Variants in AGAP1 observed in about 807,000 individuals in gnomAD.
AGAP1 encodes ArfGAP with GTPase domain, ankyrin repeat and PH domain 1.
In AGAP1, 29 loss-of-function variants were observed where a neutral mutation model predicts 105.3. The ratio of observed to expected loss-of-function variants is 0.28; its 90% CI spans 0.21 to 0.38. The LOEUF is 0.38. Among genes scored for constraint, AGAP1 ranks in the 10% least tolerant of loss-of-function variants. The pLI, the probability that AGAP1 is intolerant of heterozygous loss-of-function variation, is 1.00. For missense variants in AGAP1, 998 were observed against 1,165.1 expected (o/e 0.86, Z 2.09); for synonymous variants, 509 against 485.9 (o/e 1.05, Z -0.63).
At position 235,981,757 on chromosome 2, in the gene AGAP1, TTAAG is replaced by T. The variant is rs1225467258; in HGVS notation, c.1645+13138_1645+13141del. On this transcript the variant is annotated intron_variant, in intron 13 of 17. Transcript: ENST00000304032. The surrounding 1 kb of genome is among the most constrained non-coding windows in gnomAD (Gnocchi z 5.5). ...CTGAGGAAACCGAGGGTCATAAAGT[TTAAG>T]TAACTTGCTCAAGGCCATAGACGTA... 1.3e-5 allele frequency among the ~76,000 whole-genome samples: 2 copies of T among 152,110 alleles called. No individual in the cohort carries two copies. Among genetic ancestry groups the T allele is most frequent in the Non-Finnish European group, 2.9e-5 (2 of 68,032 alleles).
chr2:236,017,713 G>A (rs1438675268), intron 13 of AGAP1, among the ~76,000 whole-genome samples: 1 of 152,180 alleles, frequency 6.6e-6, no homozygotes, highest in Non-Finnish European at 1.5e-5. Flanking sequence ...ACAGAGCCAA[G>A]GTTTGAGTCT....
intron 1 of AGAP1, among the ~76,000 whole-genome samples, chr2:235,686,816 G>C (rs1487378751): frequency 6.7e-6 from 1 of 149,848 alleles, no homozygotes; most frequent in Non-Finnish European, 1.5e-5. Context: ...ATCATGCCCA[G>C]CTAATTAAAA....
chr2:235,983,901 A>G lies in AGAP1; in HGVS notation c.1645+15278A>G, dbSNP rs752215862. Reference sequence around the variant, plus strand: ...CTTAACGATGGGGATACATGGCTGTATGTAACATAAAATTTGCCATTTTAA... The same window carrying G: ...CTTAACGATGGGGATACATGGCTGTGTGTAACATAAAATTTGCCATTTTAA... On this transcript the variant is annotated intron_variant, in intron 13 of 17. Coordinates refer to ENST00000304032, the MANE Select transcript of AGAP1 (RefSeq NM_001037131.3). The surrounding 1 kb of genome is among the most constrained non-coding windows in gnomAD (Gnocchi z 4.5). Among the ~76,000 whole-genome samples the G allele has an allele frequency of 9.9e-5, 15 of 152,244 alleles. No homozygotes were observed. The highest frequency in any genetic ancestry group is 1.3e-4 in the Admixed American group (2 of 15,288).
intron 1 of AGAP1, among the ~76,000 whole-genome samples, chr2:235,498,517 G>A (rs866905726): frequency 3.9e-4 from 60 of 152,358 alleles, no homozygotes; most frequent in African/African-American, 1.1e-3. Flanking sequence ...GCGTGTGTTA[G>A]TTTCCCCTCT....
chr2:235,534,446 A>G (rs1000004104), intron 1 of AGAP1, among the ~76,000 whole-genome samples: 1 of 152,192 alleles, frequency 6.6e-6, no homozygotes, highest in African/African-American at 2.4e-5. Flanking sequence ...TGGCACCTGC[A>G]TGCAGTGCCC....
At chr2:235,759,294 A>C (rs2317000) in intron 6 of AGAP1, among the ~76,000 whole-genome samples, 3,133 of 149,740 alleles carry the variant, frequency 0.021, 114 homozygotes, top group African/African-American at 0.073. Context: ...TCAGCCTCCC[A>C]AGTAGCTGGG....
At chr2:236,117,085 A>G (rs1331352689) in intron 16 of AGAP1, among the ~76,000 whole-genome samples, 2 of 152,152 alleles carry the variant, frequency 1.3e-5, no homozygotes, top group African/African-American at 2.4e-5. Context: ...ATCTTTTTCA[A>G]ATAATGACTT....
chr2:235,968,445 T>C lies in AGAP1; in HGVS notation c.1484-17T>C, dbSNP rs1413449759. On this transcript the variant is annotated splice_polypyrimidine_tract_variant and intron_variant, in intron 12 of 17. Coordinates refer to ENST00000304032, the MANE Select transcript of AGAP1 (RefSeq NM_001037131.3). ...GCATTTTTTTTTTTTTTTTTGCCTT[T>C]TCCGGTCCAATGGCAGACACAGGGC... is the stretch of plus-strand genomic sequence containing the variant. The C allele has an allele frequency of 6.4e-7, 1 of 1,562,084 alleles. No individual in the cohort carries two copies. The highest frequency in any genetic ancestry group is 8.6e-7 in the Non-Finnish European group (1 of 1,162,356).
intron 3 of AGAP1, among the ~76,000 whole-genome samples, chr2:235,718,217 A>G (rs1336572223): frequency 2.0e-5 from 3 of 152,156 alleles, no homozygotes; most frequent in Non-Finnish European, 4.4e-5. Context: ...AAATTATGAT[A>G]ATGGTAGGAA....
At chr2:235,605,285 T>C (rs1286936693) in intron 1 of AGAP1, among the ~76,000 whole-genome samples, 1 of 152,234 alleles carries the variant, frequency 6.6e-6, no homozygotes, top group East Asian at 1.9e-4. Flanking sequence ...TGTTTTGCAT[T>C]TCACGCCCCT....
At chr2:235,850,704 T>A (rs775651124) in intron 9 of AGAP1, among the ~76,000 whole-genome samples, 1 of 152,252 alleles carries the variant, frequency 6.6e-6, no homozygotes, top group East Asian at 1.9e-4. Flanking sequence ...AGTTTTCCTG[T>A]TTCTAGTCAC....
intron 1 of AGAP1, among the ~76,000 whole-genome samples, chr2:235,694,024 C>T (rs1373686520): frequency 6.6e-6 from 1 of 152,124 alleles, no homozygotes; most frequent in Non-Finnish European, 1.5e-5. Flanking sequence ...ATCTTGAAGT[C>T]TAGTGATTCA....
At chr2:235,825,343 C>T (rs766440634) in intron 9 of AGAP1, among the ~76,000 whole-genome samples, 3 of 152,222 alleles carry the variant, frequency 2.0e-5, no homozygotes, top group Non-Finnish European at 2.9e-5. Flanking sequence ...ACCATGGTGG[C>T]TGTGGCTTCA....
intron 1 of AGAP1, among the ~76,000 whole-genome samples, chr2:235,677,766 C>T (rs1948824057): frequency 6.6e-6 from 1 of 151,864 alleles, no homozygotes; most frequent in South Asian, 2.1e-4. Context: ...GTGAACAATG[C>T]CGCCAGCCTT....
intron 11 of AGAP1, among the ~76,000 whole-genome samples, chr2:235,920,710 A>G (rs2052143499): frequency 6.6e-6 from 1 of 152,242 alleles, no homozygotes; most frequent in African/African-American, 2.4e-5. Context: ...ATGAAGAGAC[A>G]CCATTACAAG....
chr2:235,800,591 C>T (rs1957452045), intron 8 of AGAP1, among the ~76,000 whole-genome samples: 1 of 152,184 alleles, frequency 6.6e-6, no homozygotes, highest in Non-Finnish European at 1.5e-5. Flanking sequence ...AGCATTTGGA[C>T]TTGAGAAGAA....
In AGAP1 at chr2:235,824,210, C is replaced by T. The variant is rs371586362; in HGVS notation, c.1050+16879C>T. On this transcript the variant is annotated intron_variant, in intron 9 of 17. Transcript: ENST00000304032. The surrounding 1 kb of genome is among the most constrained non-coding windows in gnomAD (Gnocchi z 5.2). ...TTCGATTGGTGGCACCCGTGTTCCA[C>T]GGTACAGCTAGGCCTTCTGTGAGAT... 4.6e-5 allele frequency among the ~76,000 whole-genome samples: 7 copies of T among 152,362 alleles called. No homozygotes were observed. The South Asian group carries it at 6.2e-4, about 14-fold the overall frequency.
chr2:235,848,422 C>G lies in AGAP1; in HGVS notation c.1051-34923C>G, dbSNP rs370573718. The stretch of plus-strand genomic sequence containing the variant: ...AGAGGCAAATCTCTTCTTTCTAACA[C>G]TGGGAGCTATTCAGCTGCCTGTACC... On this transcript the variant is annotated intron_variant, in intron 9 of 17. Coordinates refer to ENST00000304032, the MANE Select transcript of AGAP1 (RefSeq NM_001037131.3). Among the ~76,000 whole-genome samples, 7 of 152,296 alleles carry G rather than the reference C, an allele frequency of 4.6e-5. No homozygotes were observed. The East Asian group carries it at 1.2e-3, about 25-fold the overall frequency.
rs1277289026 is a variant in AGAP1, at chr2:236,003,054, C to T, written c.1646-33507C>T. Among the ~76,000 whole-genome samples, 1 of 152,096 alleles carries T rather than the reference C, an allele frequency of 6.6e-6. No individual in the cohort carries two copies. The highest frequency in any genetic ancestry group is 1.5e-5 in the Non-Finnish European group (1 of 68,028). ...AGAAAATTACTCACGTATTCGCCCA[C>T]TGTGTGCCAACAGAGTCTTGATCTA... is the stretch of plus-strand genomic sequence containing the variant. On this transcript the variant is annotated intron_variant, in intron 13 of 17. Transcript: ENST00000304032. This position sits in a 1 kb window ranked among gnomAD's most constrained non-coding sequence, Gnocchi z 4.2.
Sources: gnomAD v4.1 joint callset for allele counts (sites outside exome capture counted in the v4.1 genomes callset) on GRCh38, gnomAD v4.1.1 for gene constraint, Gnocchi (gnomAD v3.1) non-coding constraint, MANE v1.5 for transcripts, NCBI Gene and HGNC (gene_info 2026-07-23, HGNC 2026-07-21) for gene names.